The following WNK1 variants were observed in gnomAD, a reference collection of about 807,000 sequenced individuals.
WNK1 encodes WNK lysine deficient protein kinase 1, also known as serine/threonine-protein kinase WNK1.
Under a neutral mutation model 222.8 loss-of-function variants are expected in WNK1, and 38 were observed. The observed-to-expected ratio is 0.17, with a 90% CI of 0.13 to 0.22. The LOEUF (loss-of-function observed/expected upper bound fraction) is 0.22. WNK1 is among the 10% of genes least tolerant of loss of function. The pLI is 1.00. For synonymous variants in WNK1, 1,090 were observed against 1,092.9 expected (o/e 1.00, Z 0.05); for missense variants, 2,348 against 2,918.4 (o/e 0.80, Z 4.50).
At chr12:784,053 C>T (rs963937607) in intron 1 of WNK1, among the ~76,000 whole-genome samples, 4 of 95,698 alleles carry the variant, frequency 4.2e-5, no homozygotes, top group African/African-American at 1.5e-4. Context: ...GATGCTGTCT[C>T]CACCAAAAAA....
chr12:753,563 A>T lies in WNK1; in HGVS notation c.-3A>T, dbSNP rs757684930. ...CCGCTCGCCTCTCTCCAGCGAACCG[A>T]CCATGTCTGGCGGCGCCGCAGAGAA... On this transcript the variant is annotated 5_prime_UTR_variant, in exon 1 of 28. Coordinates refer to ENST00000315939, the MANE Select transcript of WNK1 (RefSeq NM_018979.4). The surrounding 1 kb of genome is among the most constrained non-coding windows in gnomAD (Gnocchi z 5.2). The T allele has an allele frequency of 6.2e-7, 1 of 1,612,102 alleles. No homozygotes were observed. Among genetic ancestry groups the T allele is most frequent in the East Asian group, 2.2e-5 (1 of 44,820 alleles).
Position 880,808 on chromosome 12 carries a change from A to G in WNK1, c.2920A>G (p.Thr974Ala). Reference protein sequence around the residue: ...SNVASVCIHSTVLSPPMPTEV... With the variant: ...SNVASVCIHSAVLSPPMPTEV... Reference sequence around the variant, plus strand: ...CGTGGCTTCTGTTTGCATCCATTCTACAGTCCTATCCCCTCCCATGCCGAC... The same window carrying G: ...CGTGGCTTCTGTTTGCATCCATTCTGCAGTCCTATCCCCTCCCATGCCGAC... The change falls in exon 12 of 28, where the codon ACA becomes GCA. Residue 974 changes from threonine (T) to alanine (A), a missense_variant. Thr to Ala is a moderately conservative substitution (Grantham distance 58, BLOSUM62 0). Transcript: ENST00000315939. 2 of 1,613,860 alleles carry G rather than the reference A, an allele frequency of 1.2e-6. No homozygotes were observed. Among genetic ancestry groups the G allele is most frequent in the Non-Finnish European group, 1.7e-6 (2 of 1,179,956 alleles).
chr12:898,624 A>G, intron 25 of WNK1, among the ~76,000 whole-genome samples: 1 of 152,178 alleles, frequency 6.6e-6, no homozygotes, highest in East Asian at 1.9e-4. Context: ...ACTGGAGTGC[A>G]GTGGTGTGAT....
Position 884,775 on chromosome 12 carries a change from C to T in WNK1, c.3971C>T (p.Pro1324Leu). 6.2e-7 allele frequency: 1 copy of T among 1,614,164 alleles called. No homozygotes were observed. ...ACAGAAGGACCCAACACAGCACCTC[C>T]AAACTTTAGTCATACAGGACCAACA... ...QMTEGPNTAP[P>L]NFSHTGPTFP... Residue 1324 changes from proline (P) to leucine (L), a missense_variant, in exon 19 of 28, where the codon CCA becomes CTA. By Grantham distance (98) the Pro-to-Leu change is moderately conservative. Coordinates refer to ENST00000315939, the MANE Select transcript of WNK1 (RefSeq NM_018979.4). This position sits in a 1 kb window ranked among gnomAD's most constrained non-coding sequence, Gnocchi z 5.6.
chr12:763,871 T>A (rs963398756), intron 1 of WNK1, among the ~76,000 whole-genome samples: 1 of 147,684 alleles, frequency 6.8e-6, no homozygotes, highest in Non-Finnish European at 1.5e-5. Context: ...TGCTGTCAAC[T>A]GAGAGAGAAA....
In WNK1 at chr12:881,980, T is replaced by C; in HGVS notation, c.3279T>C (p.His1093=). 1 of 1,614,118 alleles carries C rather than the reference T, an allele frequency of 6.2e-7. No homozygotes were observed. The highest frequency in any genetic ancestry group is 8.5e-7 in the Non-Finnish European group (1 of 1,180,026). The change falls in exon 14 of 28, where the codon CAT becomes CAC. Residue 1093 remains histidine (H), a synonymous_variant. Transcript: ENST00000315939. ...ACGTCCCATCTTCCAGTGGAAGGCA[T>C]GAAGGAAGAACTACAAAACGGCATT... is the stretch of plus-strand genomic sequence containing the variant. ...NENVPSSSGR[H]EGRTTKRHYR...
chr12:868,005 G>A (rs1427290653), intron 8 of WNK1: 7 of 1,613,754 alleles, frequency 4.3e-6, no homozygotes, highest in East Asian at 2.2e-5. Context: ...TCCCAGCGGC[G>A]TAAGAGCACC....
At chr12:800,031 C>G (rs1181915086) in intron 1 of WNK1, among the ~76,000 whole-genome samples, 2 of 152,116 alleles carry the variant, frequency 1.3e-5, no homozygotes, top group African/African-American at 4.8e-5. Context: ...ATAGTCCCAG[C>G]TACTTGGGAG....
intron 1 of WNK1, among the ~76,000 whole-genome samples, chr12:778,023 A>G (rs1274218889): frequency 1.3e-5 from 2 of 152,352 alleles, no homozygotes; most frequent in Admixed American, 1.3e-4. Context: ...TATCAAATCT[A>G]TAAGTAGTAG....
At chr12:868,048 AC>A in intron 8 of WNK1, 1 of 1,613,828 alleles carries the variant, frequency 6.2e-7, no homozygotes, top group Non-Finnish European at 8.5e-7. Context: ...ACCACTTCCA[AC>A]CCCTGCTGAG....
chr12:776,912 T>C (rs1222714787), intron 1 of WNK1, among the ~76,000 whole-genome samples: 3 of 152,234 alleles, frequency 2.0e-5, no homozygotes, highest in Non-Finnish European at 4.4e-5. Context: ...TGAGTCATAA[T>C]AACTGACTAG....
intron 1 of WNK1, among the ~76,000 whole-genome samples, chr12:803,947 G>T (rs1421632937): frequency 6.6e-6 from 1 of 152,104 alleles, no homozygotes; most frequent in African/African-American, 2.4e-5. Context: ...CAATATTAAT[G>T]CAGACAACTC....
chr12:854,536 A>G (rs1391545283), intron 4 of WNK1, among the ~76,000 whole-genome samples: 2 of 151,438 alleles, frequency 1.3e-5, no homozygotes, highest in Non-Finnish European at 2.9e-5. Context: ...TTTTGTAGAG[A>G]CGGGGTTTCA....
intron 26 of WNK1, chr12:906,870 A>G (rs988379025): frequency 1.8e-6 from 1 of 553,424 alleles, no homozygotes; most frequent in Non-Finnish European, 2.3e-6. Context: ...TTCTGTCTAT[A>G]TAAAAAAGTA....
rs1186863363 is a variant in WNK1, at chr12:910,451, CGTAA to C, written c.*1664_*1667del. The C allele has an allele frequency of 6.6e-6, 1 of 152,202 alleles. No individual in the cohort carries two copies. Among genetic ancestry groups the C allele is most frequent in the Admixed American group, 6.5e-5 (1 of 15,288 alleles). The allele number at this position is 152,202 out of a possible 1,614,324, so 9.4% of individuals were successfully genotyped here. ...ACATTTTCAAATAAATAATACTCCC[CGTAA>C]GTAATAACTGCAACCAATCAGTGTT... On this transcript the variant is annotated 3_prime_UTR_variant, in exon 28 of 28. Coordinates refer to ENST00000315939, the MANE Select transcript of WNK1 (RefSeq NM_018979.4).
chr12:756,715 G>C (rs1427192230), intron 1 of WNK1, among the ~76,000 whole-genome samples: 2 of 152,228 alleles, frequency 1.3e-5, no homozygotes, highest in Non-Finnish European at 2.9e-5. Flanking sequence ...CAGTGGGTCA[G>C]TGTTTGAACT....
At chr12:844,668 T>G (rs1949888805) in intron 4 of WNK1, among the ~76,000 whole-genome samples, 1 of 152,104 alleles carries the variant, frequency 6.6e-6, no homozygotes, top group South Asian at 2.1e-4. Flanking sequence ...GCCTAGGAAA[T>G]ACTGTCTAGA....
chr12:757,833 C>T lies in WNK1; in HGVS notation c.759+3509C>T, dbSNP rs905010486. On this transcript the variant is annotated intron_variant, in intron 1 of 27. Coordinates refer to ENST00000315939, the MANE Select transcript of WNK1 (RefSeq NM_018979.4). The stretch of plus-strand genomic sequence containing the variant: ...CGGGTGGATCACGCGGTCAGGAGTT[C>T]GAGAACAGCCTGGCCAACATGGCGA... 2.0e-5 allele frequency among the ~76,000 whole-genome samples: 3 copies of T among 146,356 alleles called. 1 individual carries two copies. Among genetic ancestry groups the T allele is most frequent in the Non-Finnish European group, 3.0e-5 (2 of 65,646 alleles).
At chr12:851,450 A>G (rs1278870118) in intron 4 of WNK1, 1 of 1,141,610 alleles carries the variant, frequency 8.8e-7, no homozygotes, top group African/African-American at 1.6e-5. Context: ...AAGCAGAAGG[A>G]ATATTAACAG....
Sources: gnomAD v4.1 joint callset for allele counts (sites outside exome capture counted in the v4.1 genomes callset) on GRCh38, gnomAD v4.1.1 for gene constraint, Gnocchi (gnomAD v3.1) non-coding constraint, MANE v1.5 for transcripts, NCBI Gene and HGNC (gene_info 2026-07-23, HGNC 2026-07-21) for gene names.